SLC35F1: variants seen among roughly 807,000 people sequenced by gnomAD.
SLC35F1 encodes the protein chromosome 6 open reading frame 169.
In SLC35F1, 14 loss-of-function variants were observed where a neutral mutation model predicts 48.7. The ratio of observed to expected loss-of-function variants is 0.29; its 90% CI spans 0.19 to 0.45. The LOEUF is 0.45. Ranked by LOEUF, SLC35F1 falls within the 20% of genes least tolerant of loss-of-function variation. SLC35F1 has a pLI of 1.00. For missense variants in SLC35F1, 404 were observed against 500.0 expected (o/e 0.81, Z 1.83); for synonymous variants, 190 against 202.2 (o/e 0.94, Z 0.51).
intron 1 of SLC35F1, among the ~76,000 whole-genome samples, chr6:118,005,297 T>C (rs1777159559): frequency 6.6e-6 from 1 of 152,142 alleles, no homozygotes; most frequent in African/African-American, 2.4e-5. Flanking sequence ...ACTTAGGAGC[T>C]TGACCATTAC....
chr6:118,238,856 A>G (rs1405247700), intron 3 of SLC35F1, among the ~76,000 whole-genome samples: 3 of 152,154 alleles, frequency 2.0e-5, no homozygotes, highest in Non-Finnish European at 2.9e-5. Context: ...ATTTAGCTGA[A>G]CATTTCTCAA....
intron 1 of SLC35F1, among the ~76,000 whole-genome samples, chr6:118,080,253 G>T (rs1772885852): frequency 6.6e-6 from 1 of 152,114 alleles, no homozygotes; most frequent in Admixed American, 6.5e-5. Context: ...TCACTTATTT[G>T]GCCAATTTCT....
At chr6:118,207,055 A>G (rs1774944991) in intron 2 of SLC35F1, among the ~76,000 whole-genome samples, 1 of 152,212 alleles carries the variant, frequency 6.6e-6, no homozygotes, top group Non-Finnish European at 1.5e-5. Context: ...GTCTCAATTG[A>G]GAAAATCAAA....
intron 2 of SLC35F1, among the ~76,000 whole-genome samples, chr6:118,204,954 C>T (rs565907710): frequency 2.0e-4 from 30 of 152,268 alleles, no homozygotes; most frequent in Admixed American, 1.1e-3. Context: ...ATGAATAATA[C>T]GAGGTAAGAC....
intron 3 of SLC35F1, among the ~76,000 whole-genome samples, chr6:118,247,851 C>G (rs1433782931): frequency 6.8e-6 from 1 of 147,668 alleles, no homozygotes; most frequent in African/African-American, 2.7e-5. Flanking sequence ...TTTAGAATTT[C>G]TCTTTTGAAA....
intron 1 of SLC35F1, among the ~76,000 whole-genome samples, chr6:117,997,150 G>A (rs1423053404): frequency 9.2e-5 from 14 of 152,062 alleles, no homozygotes; most frequent in Non-Finnish European, 1.5e-4. Context: ...CAGCTGATGC[G>A]ATCAACTGGA....
At chr6:118,100,445 A>G (rs895859903) in intron 1 of SLC35F1, among the ~76,000 whole-genome samples, 32 of 152,144 alleles carry the variant, frequency 2.1e-4, no homozygotes, top group African/African-American at 7.7e-4. Context: ...TAGGGGCTCT[A>G]TGGACTCCCT....
intron 1 of SLC35F1, among the ~76,000 whole-genome samples, chr6:117,966,530 C>T (rs9489290): frequency 0.33 from 49,645 of 151,898 alleles, 8,260 homozygotes; most frequent in Middle Eastern, 0.37. Context: ...AGCGAGACCA[C>T]GAACCCACCA....
chr6:118,043,476 A>G (rs1207606945), intron 1 of SLC35F1, among the ~76,000 whole-genome samples: 1 of 152,080 alleles, frequency 6.6e-6, no homozygotes, highest in Admixed American at 6.6e-5. Context: ...CATGGCATGT[A>G]AATGGTACCT....
chr6:117,961,411 C>T (rs1776496829), intron 1 of SLC35F1, among the ~76,000 whole-genome samples: 2 of 152,146 alleles, frequency 1.3e-5, no homozygotes, highest in Admixed American at 6.6e-5. Flanking sequence ...TGAGCTCTTC[C>T]TTCCCAGCTG....
intron 1 of SLC35F1, among the ~76,000 whole-genome samples, chr6:117,966,138 C>G (rs1045613971): frequency 1.4e-5 from 2 of 142,592 alleles, no homozygotes; most frequent in African/African-American, 2.6e-5. Flanking sequence ...ACCGCCCCCC[C>G]CCCCACTCCC....
intron 2 of SLC35F1, among the ~76,000 whole-genome samples, chr6:118,220,741 G>A (rs954907763): frequency 6.6e-6 from 1 of 152,206 alleles, no homozygotes; most frequent in Non-Finnish European, 1.5e-5. Flanking sequence ...AGAGCTGGGG[G>A]AGAATGGCAG....
intron 1 of SLC35F1, among the ~76,000 whole-genome samples, chr6:118,047,723 A>G (rs1190266392): frequency 6.6e-6 from 1 of 152,208 alleles, no homozygotes; most frequent in Non-Finnish European, 1.5e-5. Flanking sequence ...TGGAAATAAT[A>G]GCAATACACA....
chr6:118,196,739 A>T (rs1774805832), intron 2 of SLC35F1, among the ~76,000 whole-genome samples: 1 of 151,962 alleles, frequency 6.6e-6, no homozygotes, highest in Non-Finnish European at 1.5e-5. Flanking sequence ...AATAAATTAA[A>T]TAAATAAATA....
intron 2 of SLC35F1, among the ~76,000 whole-genome samples, chr6:118,157,052 T>C (rs920601981): frequency 2.0e-4 from 31 of 152,224 alleles, no homozygotes; most frequent in Non-Finnish European, 3.8e-4. Context: ...ACTATGTATG[T>C]AAATTATCCT....
At position 118,298,460 on chromosome 6, in the gene SLC35F1, G is replaced by T. The variant is rs374785314; in HGVS notation, c.1002+13122G>T. ...CCCCTTGAACTAGAGGAGTTCAATT[G>T]CTCCTCTAGTCCATCACAAATCCCC... On this transcript the variant is annotated intron_variant, in intron 7 of 7. Coordinates refer to ENST00000360388, the MANE Select transcript of SLC35F1 (RefSeq NM_001029858.4). Among the ~76,000 whole-genome samples the T allele has an allele frequency of 2.8e-4, 42 of 152,090 alleles. No individual in the cohort carries two copies. The East Asian group carries it at 7.6e-3, about 27-fold the overall frequency.
chr6:118,104,743 C>T (rs1420960249), intron 1 of SLC35F1, among the ~76,000 whole-genome samples: 1 of 152,158 alleles, frequency 6.6e-6, no homozygotes, highest in African/African-American at 2.4e-5. Context: ...ATGTCACCCA[C>T]CCACCATTTG....
At chr6:118,263,334 G>T (rs1036083684) in intron 3 of SLC35F1, among the ~76,000 whole-genome samples, 1 of 152,152 alleles carries the variant, frequency 6.6e-6, no homozygotes, top group Non-Finnish European at 1.5e-5. Context: ...GGGATTACAG[G>T]TGTGAGCCAC....
intron 1 of SLC35F1, among the ~76,000 whole-genome samples, chr6:117,941,798 G>A (rs995767804): frequency 7.2e-5 from 11 of 152,060 alleles, no homozygotes; most frequent in African/African-American, 1.2e-4. Context: ...AAGCTTTTCC[G>A]AAAGAAAACA....
Sources: allele counts gnomAD v4.1 joint callset (sites outside exome capture counted in the v4.1 genomes callset), GRCh38; gene constraint gnomAD v4.1.1; transcripts MANE v1.5; gene names NCBI Gene and HGNC (gene_info 2026-07-23, HGNC 2026-07-21).